CRMP1: variants seen among roughly 807,000 people sequenced by gnomAD.
CRMP1 encodes the protein dihydropyrimidinase-related protein 1.
In CRMP1, 19 loss-of-function variants were observed where a neutral mutation model predicts 68.3. The ratio of observed to expected loss-of-function variants is 0.28; its 90% CI spans 0.19 to 0.41. The LOEUF (loss-of-function observed/expected upper bound fraction) is 0.41. Ranked by LOEUF, CRMP1 falls within the 10% of genes least tolerant of loss-of-function variation. The probability of loss-of-function intolerance (pLI) is 1.00; values close to 1 mark genes in which losing one functional copy is unlikely to be tolerated. For synonymous variants in CRMP1, 439 were observed against 399.6 expected (o/e 1.10, Z -1.18); for missense variants, 791 against 967.4 (o/e 0.82, Z 2.42).
chr4:5,860,969 T>C lies in CRMP1; in HGVS notation c.655+57A>G. 3 of 1,553,786 alleles carry C rather than the reference T, an allele frequency of 1.9e-6. No homozygotes were observed. Among genetic ancestry groups the C allele is most frequent in the Non-Finnish European group, 2.6e-6 (3 of 1,139,494 alleles). ...ACACACTGAGCACTTGTGATGCTGG[T>C]GATGGGGAGGAGACCTCACAGTCTA... On this transcript the variant is annotated intron_variant, in intron 3 of 13. Coordinates refer to ENST00000324989, the MANE Select transcript of CRMP1 (RefSeq NM_001014809.3). This position sits in a 1 kb window ranked among gnomAD's most constrained non-coding sequence, Gnocchi z 4.2.
At chr4:5,830,273 C>A (rs1243901998) in intron 11 of CRMP1, among the ~76,000 whole-genome samples, 1 of 152,130 alleles carries the variant, frequency 6.6e-6, no homozygotes, top group Non-Finnish European at 1.5e-5. Context: ...GCAAATATGT[C>A]CTCCCTCCCT....
rs1017969874 is a variant in CRMP1 at position 5,858,154 on chromosome 4, C to T, written c.656-1847G>A. Among the ~76,000 whole-genome samples, 2 of 152,146 alleles carry T rather than the reference C, an allele frequency of 1.3e-5. No homozygotes were observed. The highest frequency in any genetic ancestry group is 4.8e-5 in the African/African-American group (2 of 41,430). On this transcript the variant is annotated intron_variant, in intron 3 of 13. Coordinates refer to ENST00000324989, the MANE Select transcript of CRMP1 (RefSeq NM_001014809.3). The surrounding 1 kb of genome is among the most constrained non-coding windows in gnomAD (Gnocchi z 5.5). ...CGCTTCTCTCCAGCTTCCATGGCAA[C>T]GCCACCTTCTGGCTTTTTCGTTCCT...
At chr4:5,824,834 T>C (rs1719288930) in intron 13 of CRMP1, 1 of 985,260 alleles carries the variant, frequency 1.0e-6, no homozygotes. Context: ...TCTCAACGTG[T>C]GCGTGCCTGC....
chr4:5,836,632 G>A (rs1327939433), intron 10 of CRMP1, 133 bp downstream of exon 10: 45 of 1,290,558 alleles, frequency 3.5e-5, no homozygotes, highest in East Asian at 3.2e-4. Context: ...TCCCTCCTGC[G>A]CCCTCCTAGT....
chr4:5,868,307 A>ATATAGATATATATATAT (rs1307956661), intron 1 of CRMP1, among the ~76,000 whole-genome samples: 1 of 106,650 alleles, frequency 9.4e-6, no homozygotes, highest in African/African-American at 3.1e-5. Context: ...ATATATACAT[A>ATATAGATATATATATAT]ATTTTTTTTT....
At chr4:5,849,548 C>T (rs1270781916) in intron 5 of CRMP1, 76 bp from the exon 6 acceptor site, 12 of 994,410 alleles carry the variant, frequency 1.2e-5, no homozygotes, top group South Asian at 2.8e-5. Context: ...TCATGAAGAC[C>T]GTTCCGATCA....
At chr4:5,823,098 G>C (rs571215740) in intron 13 of CRMP1, among the ~76,000 whole-genome samples, 3 of 152,306 alleles carry the variant, frequency 2.0e-5, no homozygotes, top group South Asian at 2.1e-4. Context: ...CAACAGGAAG[G>C]AGACTCAAGT....
chr4:5,828,612 G>A lies in CRMP1; in HGVS notation c.1680C>T (p.Val560=). The change falls in exon 12 of 14, where the codon GTC becomes GTT. Residue 560 remains valine (V), a synonymous_variant. Transcript: ENST00000324989. ...CAAAGACGATCTTGCCCTGGCTGAT[G>A]ACCACTAGTGGGGAGCCGTGGCACT... is the stretch of plus-strand genomic sequence containing the variant. ...GMECHGSPLV[V]ISQGKIVFED... is the part of the protein sequence containing the mutation. The A allele has an allele frequency of 6.2e-7, 1 of 1,614,208 alleles. No individual in the cohort carries two copies. Among genetic ancestry groups the A allele is most frequent in the East Asian group, 2.2e-5 (1 of 44,884 alleles).
chr4:5,881,591 G>T lies in CRMP1; in HGVS notation c.381+10998C>A, dbSNP rs933789105. ...ACCATGTTCTTTTATATGCTCTCACGGCAAAGTCCTCCGGTGTTCCTCTTC... is the reference window on the plus strand; with the variant it reads ...ACCATGTTCTTTTATATGCTCTCACTGCAAAGTCCTCCGGTGTTCCTCTTC... On this transcript the variant is annotated intron_variant, in intron 1 of 13. Transcript: ENST00000324989. This position sits in a 1 kb window ranked among gnomAD's most constrained non-coding sequence, Gnocchi z 4.6. 1.3e-5 allele frequency among the ~76,000 whole-genome samples: 2 copies of T among 151,970 alleles called. No individual in the cohort carries two copies. Among genetic ancestry groups the T allele is most frequent in the Non-Finnish European group, 2.9e-5 (2 of 68,002 alleles).
intron 1 of CRMP1, among the ~76,000 whole-genome samples, chr4:5,885,517 G>C (rs1715520432): frequency 6.6e-6 from 1 of 152,198 alleles, no homozygotes; most frequent in Admixed American, 6.5e-5. Context: ...CTGTGCAGCG[G>C]TTGCCCTGGG....
intron 11 of CRMP1, among the ~76,000 whole-genome samples, chr4:5,833,179 T>G (rs1720499206): frequency 8.3e-6 from 1 of 120,510 alleles, no homozygotes; most frequent in Non-Finnish European, 1.8e-5. Flanking sequence ...TTTTTTTTTT[T>G]TTTTTGAGAC....
intron 12 of CRMP1, chr4:5,828,209 G>A (rs1719987834): frequency 1.0e-6 from 1 of 985,306 alleles, no homozygotes; most frequent in Non-Finnish European, 1.2e-6. Flanking sequence ...AGCGCCCAGA[G>A]CAGCTTGGTA....
chr4:5,839,579 G>A lies in CRMP1; in HGVS notation c.1253C>T (p.Ser418Phe), dbSNP rs754492184. ...NWAKAAAFVT[S>F]PPLSPDPTTP... ...GGTAGGGTCCGGGCTCAGGGGAGGG[G>A]AAGTCACGAACGCCGCAGCCTTGGC... is the stretch of plus-strand genomic sequence containing the variant. The change falls in exon 9 of 14, where the codon TCC (serine) becomes TTC (phenylalanine). Residue 418 changes from serine to phenylalanine, a missense_variant. Physicochemically the swap from Ser to Phe is radical, Grantham distance 155 (BLOSUM62 -2). Around this residue, in one of 3 missense-constraint regions of CRMP1, gnomAD observed 594 missense variants for 763.6 expected, o/e 0.78. Coordinates refer to ENST00000324989, the MANE Select transcript of CRMP1 (RefSeq NM_001014809.3). 1 of 1,612,716 alleles carries A rather than the reference G, an allele frequency of 6.2e-7. No individual in the cohort carries two copies. The highest frequency in any genetic ancestry group is 8.5e-7 in the Non-Finnish European group (1 of 1,179,446).
chr4:5,836,129 G>A, intron 10 of CRMP1, 44 bp from the exon 11 acceptor site: 7 of 1,392,872 alleles, frequency 5.0e-6, no homozygotes, highest in East Asian at 2.7e-5. Flanking sequence ...TCATAATGGG[G>A]CCAGGAGGAG....
intron 11 of CRMP1, among the ~76,000 whole-genome samples, 173 bp downstream of exon 11, chr4:5,835,742 C>A (rs1720685578): frequency 1.3e-5 from 2 of 152,240 alleles, no homozygotes; most frequent in African/African-American, 4.8e-5. Context: ...TGAGCCTGCT[C>A]AGATCCCTCC....
Position 5,856,145 on chromosome 4 carries a change from T to G in CRMP1, c.818A>C (p.Lys273Thr). Residue 273 changes from lysine (K) to threonine (T), a missense_variant and splice_region_variant, in exon 4 of 14, where the codon AAA becomes ACA. Transcript: ENST00000324989. ...REELEVLVQD[K>T]GVNSFQVYMA... ...CCCGTTCCGAGGCTTTAACTGACCT[T>G]TGTCCTGCACCAGCACCTCCAGCTC... The G allele has an allele frequency of 6.2e-7, 1 of 1,613,850 alleles. No individual in the cohort carries two copies.
At chr4:5,837,460 TA>T (rs11455180) in intron 9 of CRMP1, among the ~76,000 whole-genome samples, 486 of 124,984 alleles carry the variant, frequency 3.9e-3, no homozygotes, top group Middle Eastern at 0.02. Flanking sequence ...TTGTCTCTAC[TA>T]AAAAAAAAAA....
Position 5,843,256 on chromosome 4 carries a change from G to C in CRMP1, c.964-95C>G, listed in dbSNP as rs1711925742. The C allele has an allele frequency of 1.5e-6, 2 of 1,310,344 alleles. No individual in the cohort carries two copies. The highest frequency in any genetic ancestry group is 2.2e-6 in the Non-Finnish European group (2 of 910,440). The allele number at this position is 1,310,344 out of a possible 1,614,324, so 81.2% of individuals were successfully genotyped here. A position where few individuals can be genotyped will look rare whatever the true frequency, so the allele number is the denominator to read the frequency against. ...CCCTGGTTAGACAGAGGGGGCAGCT[G>C]GGTCCCAAAGAGGCGAGTGGCTTGC... On this transcript the variant is annotated intron_variant, in intron 6 of 13. Coordinates refer to ENST00000324989, the MANE Select transcript of CRMP1 (RefSeq NM_001014809.3). This position sits in a 1 kb window ranked among gnomAD's most constrained non-coding sequence, Gnocchi z 4.1.
rs1720881790 is a variant in CRMP1, at chr4:5,838,606, C to A, written c.1310+916G>T. On this transcript the variant is annotated intron_variant, in intron 9 of 13. Transcript: ENST00000324989. The surrounding 1 kb of genome is among the most constrained non-coding windows in gnomAD (Gnocchi z 4.9). ...TTCTTAGATGGGCAAGACTGTGGGACTAGCAGCTTTATGGGGGAAGATCTG... is the reference window on the plus strand; with the variant it reads ...TTCTTAGATGGGCAAGACTGTGGGAATAGCAGCTTTATGGGGGAAGATCTG... 6.6e-6 allele frequency among the ~76,000 whole-genome samples: 1 copy of A among 152,114 alleles called. No individual in the cohort carries two copies. The highest frequency in any genetic ancestry group is 1.5e-5 in the Non-Finnish European group (1 of 68,022).
Sources: allele counts gnomAD v4.1 joint callset (sites outside exome capture counted in the v4.1 genomes callset), GRCh38; gene constraint gnomAD v4.1.1; regional missense constraint gnomAD v4.1.1; non-coding constraint Gnocchi (gnomAD v3.1); transcripts MANE v1.5; gene names NCBI Gene and HGNC (gene_info 2026-07-23, HGNC 2026-07-21).